The following AGPAT5 variants were observed in gnomAD, a reference collection of about 807,000 sequenced individuals.
The protein encoded by AGPAT5 is 1-acyl-sn-glycerol-3-phosphate acyltransferase epsilon.
AGPAT5 carries 46 observed loss-of-function variants against 45.6 expected under a neutral mutation model. That is an observed-to-expected ratio of 1.01 (90% CI 0.80 to 1.29). The LOEUF is 1.29. Among genes scored for constraint, AGPAT5 ranks in the 50% most tolerant of loss-of-function variants. The probability of loss-of-function intolerance (pLI) is 0.00; values close to 1 mark genes in which losing one functional copy is unlikely to be tolerated. For missense variants in AGPAT5, 673 were observed against 450.7 expected (o/e 1.49, Z -4.47); for synonymous variants, 272 against 167.0 (o/e 1.63, Z -4.85).
intron 5 of AGPAT5, among the ~76,000 whole-genome samples, chr8:6,742,026 G>A (rs1801259368): frequency 6.6e-6 from 1 of 152,132 alleles, no homozygotes; most frequent in African/African-American, 2.4e-5. Flanking sequence ...CTAAGTACAT[G>A]ATTATGTAGA....
At position 6,757,535 on chromosome 8, in the gene AGPAT5, G is replaced by A; in HGVS notation, c.*147G>A. The A allele has an allele frequency of 1.5e-6, 1 of 670,292 alleles. No homozygotes were observed. Among genetic ancestry groups the A allele is most frequent in the African/African-American group, 1.8e-5 (1 of 55,318 alleles). 41.5% of individuals were successfully genotyped at this position (670,292 alleles called of 1,614,324 possible). Reference sequence around the variant, plus strand: ...TTGGATAATAGAATTTGTGACGAAAGCTGATATGCAATGGTCTTGGGCAAA... The same window carrying A: ...TTGGATAATAGAATTTGTGACGAAAACTGATATGCAATGGTCTTGGGCAAA... On this transcript the variant is annotated 3_prime_UTR_variant, in exon 8 of 8. Coordinates refer to ENST00000285518, the MANE Select transcript of AGPAT5 (RefSeq NM_018361.5).
chr8:6,724,276 C>G (rs764455196), intron 1 of AGPAT5, among the ~76,000 whole-genome samples: 2 of 152,146 alleles, frequency 1.3e-5, no homozygotes, highest in Admixed American at 6.5e-5. Flanking sequence ...GCGACACTGC[C>G]CATGTTCCCA....
Position 6,741,692 on chromosome 8 carries a change from G to A in AGPAT5, c.527G>A (p.Arg176Lys). 1 of 1,611,122 alleles carries A rather than the reference G, an allele frequency of 6.2e-7. No homozygotes were observed. Among genetic ancestry groups the A allele is most frequent in the Non-Finnish European group, 8.5e-7 (1 of 1,178,746 alleles). The change falls in exon 5 of 8, where the codon AGG (arginine) becomes AAG (lysine). Residue 176 changes from arginine to lysine, a missense_variant. By Grantham distance (26) the Arg-to-Lys change is conservative (BLOSUM62 2). Coordinates refer to ENST00000285518, the MANE Select transcript of AGPAT5 (RefSeq NM_018361.5). ...CTTGTGATTTTTCCAGAAGGTACAA[G>A]GTATAATCCAGAGCAAACAAAAGTC... is the stretch of plus-strand genomic sequence containing the variant. ...MYLVIFPEGT[R>K]YNPEQTKVLS...
At chr8:6,750,389 T>G (rs77362092) in intron 6 of AGPAT5, among the ~76,000 whole-genome samples, 7,530 of 152,314 alleles carry the variant, frequency 0.049, 272 homozygotes, top group Non-Finnish European at 0.076. Context: ...TGTGTATTCA[T>G]TACAAATTGT....
At chr8:6,753,980 G>A (rs757803347) in intron 6 of AGPAT5, among the ~76,000 whole-genome samples, 3 of 152,168 alleles carry the variant, frequency 2.0e-5, no homozygotes, top group Admixed American at 6.5e-5. Context: ...AGTCTTCCTC[G>A]GACGGTGGAG....
intron 4 of AGPAT5, among the ~76,000 whole-genome samples, chr8:6,737,351 T>G (rs1351363553): frequency 6.6e-6 from 1 of 152,258 alleles, no homozygotes; most frequent in African/African-American, 2.4e-5. Context: ...GTAGAATATG[T>G]TAAGTCAACT....
At chr8:6,717,527 A>T (rs1005524286) in intron 1 of AGPAT5, among the ~76,000 whole-genome samples, 1 of 152,378 alleles carries the variant, frequency 6.6e-6, no homozygotes, top group East Asian at 1.9e-4. Flanking sequence ...GTGCAGAAAG[A>T]TGTCACTTAA....
chr8:6,743,842 A>G (rs1801328024), intron 5 of AGPAT5, among the ~76,000 whole-genome samples: 1 of 151,326 alleles, frequency 6.6e-6, no homozygotes, highest in Admixed American at 6.6e-5. Flanking sequence ...AGCTTTTTGA[A>G]CTCTCTTAAA....
At chr8:6,737,283 T>C (rs1801087227) in intron 4 of AGPAT5, among the ~76,000 whole-genome samples, 1 of 152,216 alleles carries the variant, frequency 6.6e-6, no homozygotes. Context: ...AGCGGATACA[T>C]CTTGCTCAGG....
chr8:6,711,191 T>C (rs1800145870), intron 1 of AGPAT5, among the ~76,000 whole-genome samples: 1 of 152,230 alleles, frequency 6.6e-6, no homozygotes, highest in Non-Finnish European at 1.5e-5. Flanking sequence ...TTACATAGAA[T>C]TTTTAAGCTG....
At chr8:6,727,243 C>T (rs374391203) in intron 2 of AGPAT5, among the ~76,000 whole-genome samples, 3 of 152,194 alleles carry the variant, frequency 2.0e-5, no homozygotes, top group African/African-American at 7.2e-5. Context: ...TAGTCTCTCT[C>T]TTCCCTTGTT....
chr8:6,734,483 T>C (rs143148090), intron 4 of AGPAT5, among the ~76,000 whole-genome samples: 15 of 152,298 alleles, frequency 9.8e-5, no homozygotes, highest in African/African-American at 3.6e-4. Flanking sequence ...TGCTAGTGTA[T>C]CTATCTGATC....
intron 1 of AGPAT5, among the ~76,000 whole-genome samples, chr8:6,714,336 A>G (rs1397598219): frequency 1.3e-5 from 2 of 152,228 alleles, no homozygotes; most frequent in Non-Finnish European, 2.9e-5. Flanking sequence ...AACTTTTACT[A>G]TAGGAAATTA....
At chr8:6,711,848 A>G (rs1005094587) in intron 1 of AGPAT5, among the ~76,000 whole-genome samples, 1 of 152,080 alleles carries the variant, frequency 6.6e-6, no homozygotes, top group African/African-American at 2.4e-5. Context: ...TCTGTCTCAC[A>G]TCTCACTCTC....
chr8:6,745,512 C>A (rs1471321125), intron 5 of AGPAT5, among the ~76,000 whole-genome samples: 6 of 152,176 alleles, frequency 3.9e-5, no homozygotes, highest in Non-Finnish European at 8.8e-5. Flanking sequence ...TTTCACATAA[C>A]TTTTGACATT....
At chr8:6,719,312 G>A (rs1800427067) in intron 1 of AGPAT5, among the ~76,000 whole-genome samples, 1 of 152,162 alleles carries the variant, frequency 6.6e-6, no homozygotes, top group African/African-American at 2.4e-5. Flanking sequence ...GTATGGCAAA[G>A]AAAAGGCAAA....
chr8:6,728,942 G>A (rs978208436), intron 2 of AGPAT5, among the ~76,000 whole-genome samples: 1 of 152,178 alleles, frequency 6.6e-6, no homozygotes. Context: ...TAGCCCAATA[G>A]TATAGATATC....
At position 6,734,679 on chromosome 8, in the gene AGPAT5, C is replaced by G. The variant is rs192733331; in HGVS notation, c.495+2029C>G. Among the ~76,000 whole-genome samples, 5 of 152,198 alleles carry G rather than the reference C, an allele frequency of 3.3e-5. No homozygotes were observed. In the East Asian group the frequency reaches 9.7e-4, roughly 29 times the overall value. ...ATACTTCCTAAGATTTTGCCTAACG[C>G]TGGGCCTTTTTTGTAAGACAGGAGA... On this transcript the variant is annotated intron_variant, in intron 4 of 7. Transcript: ENST00000285518.
At chr8:6,744,987 C>T (rs1297041221) in intron 5 of AGPAT5, among the ~76,000 whole-genome samples, 1 of 152,212 alleles carries the variant, frequency 6.6e-6, no homozygotes, top group East Asian at 1.9e-4. Flanking sequence ...CTGTGTGGAG[C>T]AGTTCTTTTA....
Sources: gnomAD v4.1 joint callset for allele counts (sites outside exome capture counted in the v4.1 genomes callset) on GRCh38, gnomAD v4.1.1 for gene constraint, MANE v1.5 for transcripts, NCBI Gene and HGNC (gene_info 2026-07-23, HGNC 2026-07-21) for gene names.